The following MCM5 variants were observed in gnomAD, a reference collection of about 807,000 sequenced individuals.
The protein encoded by MCM5 is minichromosome maintenance complex component 5, also known as DNA replication licensing factor MCM5.
MCM5 carries 46 observed loss-of-function variants against 79.9 expected under a neutral mutation model. That is an observed-to-expected ratio of 0.58 (90% confidence interval 0.45 to 0.74). MCM5 has a LOEUF of 0.74. MCM5 is among the 30% of genes least tolerant of loss of function. MCM5 has a pLI of 0.00. For synonymous variants in MCM5, 404 were observed against 390.5 expected (o/e 1.03, Z -0.41); for missense variants, 883 against 1,017.0 (o/e 0.87, Z 1.79).
intron 6 of MCM5, chr22:35,410,405 A>T: frequency 3.0e-6 from 1 of 334,222 alleles, no homozygotes; most frequent in African/African-American, 2.1e-5. Context: ...AGACACGTGG[A>T]GATGGGGCTT....
chr22:35,406,662 C>A lies in MCM5; in HGVS notation c.533C>A (p.Thr178Asn), dbSNP rs765101431. The change falls in exon 5 of 17, where the codon ACC becomes AAC. Residue 178 changes from threonine to asparagine, a missense_variant. Coordinates refer to ENST00000216122, the MANE Select transcript of MCM5 (RefSeq NM_006739.4). ...ISIQCRSCRNTLTNIAMRPGL... is the reference protein window; with the variant it reads ...ISIQCRSCRNNLTNIAMRPGL... The stretch of plus-strand genomic sequence containing the variant: ...ATCCAGTGCCGCAGCTGCCGCAACA[C>A]CCTCACCAACATTGCCATGCGCCCT... 1.2e-5 allele frequency: 20 copies of A among 1,612,182 alleles called. No homozygotes were observed. The highest frequency in any genetic ancestry group is 2.7e-5 in the African/African-American group (2 of 74,952).
chr22:35,406,669 C>T lies in MCM5; in HGVS notation c.540C>T (p.Thr180=), dbSNP rs1932227644. The T allele has an allele frequency of 6.2e-7, 1 of 1,611,918 alleles. No homozygotes were observed. The highest frequency in any genetic ancestry group is 2.2e-5 in the East Asian group (1 of 44,884). The change falls in exon 5 of 17, where the codon ACC becomes ACT. Residue 180 remains threonine (T), a synonymous_variant. Coordinates refer to ENST00000216122, the MANE Select transcript of MCM5 (RefSeq NM_006739.4). ...GCCGCAGCTGCCGCAACACCCTCAC[C>T]AACATTGCCATGCGCCCTGGCCTCG... ...IQCRSCRNTL[T]NIAMRPGLEG... is the part of the protein sequence containing the mutation.
chr22:35,403,449 G>T lies in MCM5; in HGVS notation c.330G>T (p.Val110=). The T allele has an allele frequency of 6.2e-7, 1 of 1,614,210 alleles. No individual in the cohort carries two copies. The highest frequency in any genetic ancestry group is 8.5e-7 in the Non-Finnish European group (1 of 1,180,042). ...EEAAKEVADE[V]TRPRPSGEEV... ...CTGCCAAGGAGGTAGCTGATGAGGTGACCCGGCCCCGGCCTTCTGGGGAGG... is the reference window on the plus strand; with the variant it reads ...CTGCCAAGGAGGTAGCTGATGAGGTTACCCGGCCCCGGCCTTCTGGGGAGG... The change falls in exon 4 of 17, where the codon GTG becomes GTT. Residue 110 remains valine (V), a synonymous_variant. Coordinates refer to ENST00000216122, the MANE Select transcript of MCM5 (RefSeq NM_006739.4).
chr22:35,412,578 A>G lies in MCM5; in HGVS notation c.988A>G (p.Asn330Asp). The part of the protein sequence containing the change: ...EEFRRLAALP[N>D]VYEVISKSIA... Reference sequence around the variant, plus strand: ...GTTCCGTCGCCTGGCTGCCCTCCCAAATGTCTATGAGGTCATCTCCAAGAG... The same window carrying G: ...GTTCCGTCGCCTGGCTGCCCTCCCAGATGTCTATGAGGTCATCTCCAAGAG... Residue 330 changes from asparagine (N) to aspartate (D), a missense_variant, in exon 8 of 17, where the codon AAT becomes GAT. Physicochemically the swap from Asn to Asp is conservative, Grantham distance 23. Transcript: ENST00000216122. 6.3e-7 allele frequency: 1 copy of G among 1,582,576 alleles called. No individual in the cohort carries two copies. The highest frequency in any genetic ancestry group is 8.6e-7 in the Non-Finnish European group (1 of 1,162,328).
intron 15 of MCM5, chr22:35,421,677 C>A: frequency 1.6e-6 from 1 of 642,150 alleles, no homozygotes; most frequent in Non-Finnish European, 2.8e-6. Context: ...CTCTCCAGAC[C>A]CTTGAACACA....
the MCM5 span, among the ~76,000 whole-genome samples, chr22:35,447,800 A>T: frequency 6.6e-6 from 1 of 152,198 alleles, no homozygotes; most frequent in Non-Finnish European, 1.5e-5. Flanking sequence ...AACCGTCCAC[A>T]GCCTTCGGGT....
Position 35,416,426 on chromosome 22 carries a change from G to A in MCM5, c.1413+22G>A, listed in dbSNP as rs757109975. ...CAAGGTGAGTGGCCCTCCATGGAGA[G>A]CCCAGCCTGCAGCAGCCCAGCGTGG... is the stretch of plus-strand genomic sequence containing the variant. On this transcript the variant is annotated intron_variant, in intron 11 of 16. Coordinates refer to ENST00000216122, the MANE Select transcript of MCM5 (RefSeq NM_006739.4). The A allele has an allele frequency of 1.9e-5, 31 of 1,610,422 alleles. No individual in the cohort carries two copies. In the Admixed American group the frequency reaches 4.3e-4, roughly 23 times the overall value.
chr22:35,406,822 A>G (rs1932232495), intron 5 of MCM5, 97 bp downstream of exon 5: 5 of 1,322,708 alleles, frequency 3.8e-6, no homozygotes, highest in Admixed American at 1.9e-5. Context: ...CTGCTTCTAG[A>G]GATCCACTGG....
At chr22:35,426,532 C>A (rs1247513115), downstream of MCM5, among the ~76,000 whole-genome samples, 4 of 152,190 alleles carry the variant, frequency 2.6e-5, no homozygotes, top group Admixed American at 1.3e-4. Flanking sequence ...TCTGTCCCTA[C>A]CCTCACCAGC....
At position 35,416,674 on chromosome 22, in the gene MCM5, G is replaced by A. The variant is rs775755762; in HGVS notation, c.1450G>A (p.Val484Ile). ...ITTTLNSRCS[V>I]LAAANSVFGR... ...CACCACCCTGAACTCCCGCTGCTCC[G>A]TCCTGGCTGCTGCCAACTCAGTGTT... is the stretch of plus-strand genomic sequence containing the variant. The change falls in exon 12 of 17, where the codon GTC becomes ATC. Residue 484 changes from valine to isoleucine, a missense_variant. Physicochemically the swap from Val to Ile is conservative, Grantham distance 29. Coordinates refer to ENST00000216122, the MANE Select transcript of MCM5 (RefSeq NM_006739.4). 8.7e-6 allele frequency: 14 copies of A among 1,613,938 alleles called. No homozygotes were observed. The highest frequency in any genetic ancestry group is 7.7e-5 in the South Asian group (7 of 91,068).
At chr22:35,451,058 C>T in the MCM5 span, among the ~76,000 whole-genome samples, 1 of 152,132 alleles carries the variant, frequency 6.6e-6, no homozygotes, top group Non-Finnish European at 1.5e-5. Flanking sequence ...CCGGAAACTC[C>T]CTCTTTCCCC....
chr22:35,421,461 G>T lies in MCM5; in HGVS notation c.1975+1G>T, dbSNP rs779739210. 6.2e-7 allele frequency: 1 copy of T among 1,614,142 alleles called. No homozygotes were observed. The highest frequency in any genetic ancestry group is 8.5e-7 in the Non-Finnish European group (1 of 1,180,044). On this transcript the variant is annotated splice_donor_variant, in intron 15 of 16. Coordinates refer to ENST00000216122, the MANE Select transcript of MCM5 (RefSeq NM_006739.4). LOFTEE classifies it high-confidence loss of function. ...GCTGCCTTGTCCGGTACCCTGTCAGGTGAGCAGATGCAGGGGCCATGGTCT... is the reference window on the plus strand; with the variant it reads ...GCTGCCTTGTCCGGTACCCTGTCAGTTGAGCAGATGCAGGGGCCATGGTCT...
chr22:35,400,453 C>T lies in MCM5; in HGVS notation c.15C>T (p.Asp5=). The stretch of plus-strand genomic sequence containing the variant: ...CAGGCGCAGTCATGTCGGGATTCGA[C>T]GATCCTGGCATTTTCTACAGCGACA... The part of the protein sequence containing the change: MSGF[D]DPGIFYSDSF... The change falls in exon 2 of 17, where the codon GAC becomes GAT. Residue 5 remains aspartate (D), a synonymous_variant. Transcript: ENST00000216122. The T allele has an allele frequency of 6.2e-7, 1 of 1,614,088 alleles. No homozygotes were observed. Among genetic ancestry groups the T allele is most frequent in the Non-Finnish European group, 8.5e-7 (1 of 1,179,962 alleles).
the MCM5 span, among the ~76,000 whole-genome samples, chr22:35,438,916 T>TCC: frequency 1.0e-5 from 1 of 98,622 alleles, no homozygotes; most frequent in African/African-American, 4.0e-5. Flanking sequence ...TCCACTCACA[T>TCC]ATTCATCCAT....
intron 2 of MCM5, chr22:35,401,790 G>C (rs1177019070): frequency 2.2e-6 from 1 of 448,786 alleles, no homozygotes; most frequent in Non-Finnish European, 4.6e-6. Flanking sequence ...AACTTCCACG[G>C]TGGTCATTTC....
At chr22:35,438,507 CCATCTATG>C in the MCM5 span, among the ~76,000 whole-genome samples, 27 of 147,376 alleles carry the variant, frequency 1.8e-4, no homozygotes, top group African/African-American at 6.3e-4. Flanking sequence ...ATCCATCCAT[CCATCTATG>C]CATCCATCCA....
At chr22:35,423,984 T>C in intron 16 of MCM5, 170 bp from the exon 17 acceptor site, 1 of 563,036 alleles carries the variant, frequency 1.8e-6, no homozygotes, top group Non-Finnish European at 3.2e-6. Flanking sequence ...AGCAAGTGGC[T>C]TAGCCTCCGT....
At chr22:35,417,532 AT>A (rs544015332) in intron 12 of MCM5, among the ~76,000 whole-genome samples, 12 of 152,346 alleles carry the variant, frequency 7.9e-5, no homozygotes, top group Admixed American at 5.9e-4. Context: ...AGCAAGGAGC[AT>A]TAAGTTCTCT....
the MCM5 span, among the ~76,000 whole-genome samples, chr22:35,454,216 C>T: frequency 1.3e-5 from 2 of 152,116 alleles, no homozygotes; most frequent in Non-Finnish European, 2.9e-5. Flanking sequence ...GCTCCCTCTG[C>T]TCCCCTTCCA....
Sources: gnomAD v4.1 joint callset for allele counts (sites outside exome capture counted in the v4.1 genomes callset) on GRCh38, gnomAD v4.1.1 for gene constraint, MANE v1.5 for transcripts, NCBI Gene and HGNC (gene_info 2026-07-23, HGNC 2026-07-21) for gene names.